The following WBP2NL variants were observed in gnomAD, a reference collection of about 807,000 sequenced individuals.
The protein encoded by WBP2NL is postacrosomal sheath WW domain-binding protein.
Under a neutral mutation model 23.3 loss-of-function variants are expected in WBP2NL, and 27 were observed. The ratio of observed to expected loss-of-function variants is 1.16; its 90% CI spans 0.85 to 1.60. The LOEUF (loss-of-function observed/expected upper bound fraction) is 1.60. Ranked by LOEUF, WBP2NL falls within the 40% of genes most tolerant of loss-of-function variation. WBP2NL has a pLI of 0.00. For missense variants in WBP2NL, 370 were observed against 389.5 expected (o/e 0.95, Z 0.42); for synonymous variants, 151 against 145.9 (o/e 1.03, Z -0.25).
At position 42,027,843 on chromosome 22, in the gene WBP2NL, A is replaced by C. The variant is rs1377172560; in HGVS notation, c.*662A>C. 7.5e-6 allele frequency: 3 copies of C among 397,566 alleles called. No homozygotes were observed. Among genetic ancestry groups the C allele is most frequent in the African/African-American group, 6.2e-5 (3 of 48,622 alleles). 24.6% of individuals were successfully genotyped at this position (397,566 alleles called of 1,614,324 possible). A position where few individuals can be genotyped will look rare whatever the true frequency, so the allele number is the denominator to read the frequency against. On this transcript the variant is annotated 3_prime_UTR_variant, in exon 6 of 6. Transcript: ENST00000328823. ...TATTAATTTATAGTCAGAATACGTG[A>C]ATAACTACAAATCAATTCTCCCCAA...
chr22:42,022,929 A>T (rs1490036677), intron 5 of WBP2NL, among the ~76,000 whole-genome samples: 1 of 152,126 alleles, frequency 6.6e-6, no homozygotes, highest in African/African-American at 2.4e-5. Context: ...ATGGGCCTTT[A>T]GTTTTGTATG....
In WBP2NL at chr22:42,027,608, T is replaced by G. The variant is rs1771086840; in HGVS notation, c.*427T>G. The G allele has an allele frequency of 3.9e-6, 1 of 257,808 alleles. No homozygotes were observed. Among genetic ancestry groups the G allele is most frequent in the African/African-American group, 2.2e-5 (1 of 45,190 alleles). The allele number at this position is 257,808 out of a possible 1,614,324, so 16.0% of individuals were successfully genotyped here. Reference sequence around the variant, plus strand: ...TTTGAGAAAGCTAAATTTTCAATAGTAAGAGTGTTATAAATTACGGTGGAT... The same window carrying G: ...TTTGAGAAAGCTAAATTTTCAATAGGAAGAGTGTTATAAATTACGGTGGAT... On this transcript the variant is annotated 3_prime_UTR_variant, in exon 6 of 6. Transcript: ENST00000328823.
At chr22:42,002,158 A>T (rs1310422263) in intron 1 of WBP2NL, among the ~76,000 whole-genome samples, 7 of 152,212 alleles carry the variant, frequency 4.6e-5, no homozygotes. Context: ...CAAAACACAG[A>T]AACACTGATT....
At chr22:42,001,278 A>C in intron 1 of WBP2NL, 1 of 668,608 alleles carries the variant, frequency 1.5e-6, no homozygotes, top group Non-Finnish European at 2.8e-6. Context: ...GTGTTAAATG[A>C]ATAGGAAGTC....
In WBP2NL at chr22:42,027,868, A is replaced by G. The variant is rs946784185; in HGVS notation, c.*687A>G. 3.3e-5 allele frequency: 13 copies of G among 398,056 alleles called. No homozygotes were observed. Among genetic ancestry groups the G allele is most frequent in the Non-Finnish European group, 5.8e-5 (13 of 225,954 alleles). 24.7% of individuals were successfully genotyped at this position (398,056 alleles called of 1,614,324 possible). ...AATAACTACAAATCAATTCTCCCCA[A>G]AATGACAGAAATATGAATTGCCGAA... is the stretch of plus-strand genomic sequence containing the variant. On this transcript the variant is annotated 3_prime_UTR_variant, in exon 6 of 6. Transcript: ENST00000328823.
In WBP2NL at chr22:42,027,272, C is replaced by T; in HGVS notation, c.*91C>T. The T allele has an allele frequency of 6.8e-7, 1 of 1,465,980 alleles. No homozygotes were observed. The highest frequency in any genetic ancestry group is 9.1e-7 in the Non-Finnish European group (1 of 1,102,728). The allele number at this position is 1,465,980 out of a possible 1,614,324, so 90.8% of individuals were successfully genotyped here. Reference sequence around the variant, plus strand: ...AAGGAGGACGACTCAGGTATGTGATCACAGGCTTCTCGCAGGTAGTTGTTC... The same window carrying T: ...AAGGAGGACGACTCAGGTATGTGATTACAGGCTTCTCGCAGGTAGTTGTTC... On this transcript the variant is annotated 3_prime_UTR_variant, in exon 6 of 6. Transcript: ENST00000328823.
chr22:42,039,367 T>TTTTTTC, intron 8 of WBP2NL, among the ~76,000 whole-genome samples: 1 of 151,476 alleles, frequency 6.6e-6, no homozygotes, highest in Middle Eastern at 3.4e-3. Flanking sequence ...TTTTTTTTTT[T>TTTTTTC]TTTCCAGTAT....
intron 1 of WBP2NL, among the ~76,000 whole-genome samples, chr22:42,004,290 A>C (rs1921998861): frequency 2.0e-5 from 3 of 151,348 alleles, no homozygotes. Context: ...TAAATAAATA[A>C]AATTTAAAAA....
intron 1 of WBP2NL, among the ~76,000 whole-genome samples, chr22:42,016,717 T>A (rs1481414414): frequency 6.6e-6 from 1 of 152,234 alleles, no homozygotes; most frequent in Non-Finnish European, 1.5e-5. Context: ...GCTAATGTCC[T>A]GTATTTTCAT....
rs1304990180 is a variant in WBP2NL, at chr22:42,027,087, G to A, written c.836G>A (p.Gly279Glu). 6.2e-7 allele frequency: 1 copy of A among 1,614,146 alleles called. No individual in the cohort carries two copies. The change falls in exon 6 of 6, where the codon GGA (glycine) becomes GAA (glutamate). Residue 279 changes from glycine (G) to glutamate (E), a missense_variant. Gly to Glu is a moderately conservative substitution (Grantham distance 98). Transcript: ENST00000328823. ...PPAGYRASPA[G>E]SGARPQESTA... ...GCGGGATACAGAGCCTCACCTGCTG[G>A]ATCAGGAGCCAGGCCTCAGGAATCT...
At position 42,054,162 on chromosome 22, in the gene WBP2NL, A is replaced by AT. The variant is rs879723948; in HGVS notation, c.*274-4120dup. Among the ~76,000 whole-genome samples, 8 of 151,372 alleles carry AT rather than the reference A, an allele frequency of 5.3e-5. No homozygotes were observed. In the South Asian group the frequency reaches 8.4e-4, roughly 16 times the overall value. On this transcript the variant is annotated intron_variant and NMD_transcript_variant, in intron 8 of 8. Coordinates refer to the WBP2NL transcript ENST00000436265. The stretch of plus-strand genomic sequence containing the variant: ...AATTTTGATCAAGTCCAACTTATCT[A>AT]TTTTTTTTGATTGCTTCTGATTTAA...
At chr22:42,036,547 C>A (rs910481379), downstream of WBP2NL, among the ~76,000 whole-genome samples, 4 of 152,218 alleles carry the variant, frequency 2.6e-5, no homozygotes, top group East Asian at 1.9e-4. Flanking sequence ...ATATTCCTAA[C>A]AGCAGTGTAC....
chr22:42,015,189 G>C (rs1923191289), intron 1 of WBP2NL, among the ~76,000 whole-genome samples: 1 of 152,110 alleles, frequency 6.6e-6, no homozygotes, highest in African/African-American at 2.4e-5. Context: ...TGTAAAGTCT[G>C]TATTCTTTGT....
intron 8 of WBP2NL, among the ~76,000 whole-genome samples, chr22:42,040,104 G>A (rs1267018072): frequency 6.6e-6 from 1 of 151,306 alleles, no homozygotes; most frequent in Non-Finnish European, 1.5e-5. Flanking sequence ...GTAGACATGG[G>A]GTTTCACTAT....
intron 8 of WBP2NL, among the ~76,000 whole-genome samples, chr22:42,041,327 T>C (rs574177076): frequency 6.6e-6 from 1 of 151,694 alleles, no homozygotes; most frequent in Non-Finnish European, 1.5e-5. Context: ...ACTAAAAATA[T>C]ATAAATTAGC....
chr22:41,998,899 G>C lies in WBP2NL; in HGVS notation c.62+19G>C. ...GTGAAAGGTGCCTGAGGGGAAGCACGGCGTGCTGTCGGAGGAGAGGAGACG... is the reference window on the plus strand; with the variant it reads ...GTGAAAGGTGCCTGAGGGGAAGCACCGCGTGCTGTCGGAGGAGAGGAGACG... On this transcript the variant is annotated intron_variant, in intron 1 of 5. Transcript: ENST00000328823. 1 of 1,604,668 alleles carries C rather than the reference G, an allele frequency of 6.2e-7. No homozygotes were observed. Among genetic ancestry groups the C allele is most frequent in the Non-Finnish European group, 8.5e-7 (1 of 1,173,860 alleles).
chr22:42,017,753 T>C (rs1357944977), intron 1 of WBP2NL, among the ~76,000 whole-genome samples: 7 of 152,114 alleles, frequency 4.6e-5, no homozygotes, highest in Non-Finnish European at 1.0e-4. Flanking sequence ...GGCGCATTCC[T>C]GTAGTCCTAG....
chr22:42,056,994 T>G (rs987240520), intron 8 of WBP2NL, among the ~76,000 whole-genome samples: 2 of 152,186 alleles, frequency 1.3e-5, no homozygotes, highest in African/African-American at 4.8e-5. Context: ...AAATTCTGTC[T>G]TTTGAGGGTT....
intron 8 of WBP2NL, among the ~76,000 whole-genome samples, chr22:42,049,695 CAAAACAAAACAAAAAAAAA>C (rs1475813926): frequency 0.02 from 458 of 22,856 alleles, 5 homozygotes; most frequent in Middle Eastern, 0.12. Flanking sequence ...GTCTCCAAAA[CAAAACAAAACAAAAAAAAA>C]AAAAAAAAAA....
Sources: gnomAD v4.1 joint callset for allele counts (sites outside exome capture counted in the v4.1 genomes callset) on GRCh38, gnomAD v4.1.1 for gene constraint, MANE v1.5 for transcripts, NCBI Gene and HGNC (gene_info 2026-07-23, HGNC 2026-07-21) for gene names.